The following NOL4L variants were observed in gnomAD, a reference collection of about 807,000 sequenced individuals.
NOL4L encodes the protein nucleolar protein 4-like.
Under a neutral mutation model 64.5 loss-of-function variants are expected in NOL4L, and 7 were observed. That is an observed-to-expected ratio of 0.11 (90% CI 0.06 to 0.20). NOL4L has a LOEUF of 0.20. NOL4L is among the 10% of genes least tolerant of loss of function. The pLI is 1.00. For synonymous variants in NOL4L, 413 were observed against 401.0 expected (o/e 1.03, Z -0.36); for missense variants, 680 against 967.1 (o/e 0.70, Z 3.94).
At chr20:32,495,453 C>T (rs2016649107) in intron 4 of NOL4L, among the ~76,000 whole-genome samples, 1 of 152,182 alleles carries the variant, frequency 6.6e-6, no homozygotes, top group African/African-American at 2.4e-5. Context: ...GGCAGATGGG[C>T]TGCTGGGGAC....
chr20:32,545,564 C>A (rs1213306327), intron 1 of NOL4L, among the ~76,000 whole-genome samples: 1 of 152,160 alleles, frequency 6.6e-6, no homozygotes, highest in African/African-American at 2.4e-5. Context: ...TTCCCCCGAC[C>A]CGCCCACAGC....
intron 1 of NOL4L, among the ~76,000 whole-genome samples, chr20:32,537,524 CCA>C (rs1321917654): frequency 2.0e-5 from 3 of 152,276 alleles, no homozygotes; most frequent in Admixed American, 6.5e-5. Flanking sequence ...AGCGATTTGC[CCA>C]CAGTCACAAG....
chr20:32,484,371 C>A (rs1178492850), intron 4 of NOL4L, among the ~76,000 whole-genome samples: 1 of 151,748 alleles, frequency 6.6e-6, no homozygotes, highest in Admixed American at 6.6e-5. Context: ...TCGAGCTCCT[C>A]GGCGCGCTGC....
chr20:32,455,506 G>A (rs983248614), intron 6 of NOL4L, among the ~76,000 whole-genome samples: 1 of 152,210 alleles, frequency 6.6e-6, no homozygotes, highest in Non-Finnish European at 1.5e-5. Context: ...TCTGGCCCCC[G>A]GGCCCAGGTT....
intron 4 of NOL4L, among the ~76,000 whole-genome samples, chr20:32,475,575 G>A (rs999354248): frequency 2.6e-5 from 4 of 152,260 alleles, no homozygotes; most frequent in African/African-American, 9.6e-5. Context: ...GCCCTCCAGG[G>A]GGAAGGGCCC....
rs543768294 is a variant in NOL4L at position 32,490,144 on chromosome 20, A to AAAC, written c.700-15403_700-15402insGTT. Among the ~76,000 whole-genome samples, 627 of 122,162 alleles carry AAAC rather than the reference A, an allele frequency of 5.1e-3. 52 individuals carry two copies. The highest frequency in any genetic ancestry group is 0.018 in the African/African-American group (578 of 31,464). The allele number at this position is 122,162 out of a possible 152,430, so 80.1% of individuals were successfully genotyped here. On this transcript the variant is annotated intron_variant, in intron 4 of 10. Coordinates refer to ENST00000621426, the MANE Select transcript of NOL4L (RefSeq NM_001256798.2). Reference sequence around the variant, plus strand: ...ACTCCATCTCAAAAAAAAAAAAAAAAATATATATACACATATATATATGTA... The same window carrying AAAC: ...ACTCCATCTCAAAAAAAAAAAAAAAAAACATATATATACACATATATATATGTA...
At chr20:32,480,385 T>C (rs1191914126) in intron 4 of NOL4L, among the ~76,000 whole-genome samples, 1 of 152,212 alleles carries the variant, frequency 6.6e-6, no homozygotes, top group Non-Finnish European at 1.5e-5. Context: ...GGGATGTTTC[T>C]GGGCCAAGCA....
rs568664200 is a variant in NOL4L, at chr20:32,483,366, G to A, written c.700-8624C>T. 74 of 984,960 alleles carry A rather than the reference G, an allele frequency of 7.5e-5. 1 individual carries two copies. The South Asian group carries it at 3.0e-3, about 40-fold the overall frequency. 61.0% of individuals were successfully genotyped at this position (984,960 alleles called of 1,614,324 possible). A position where few individuals can be genotyped will look rare whatever the true frequency, so the allele number is the denominator to read the frequency against. On this transcript the variant is annotated intron_variant, in intron 4 of 10. Transcript: ENST00000621426. ...GATCCGGGCCGGACTCCGTACCTGG[G>A]CTGGAAGCGAGGCGGAGATGGGCGG...
chr20:32,584,503 C>T (rs1600899732), intron 1 of NOL4L, 67 bp downstream of exon 1: 1 of 983,218 alleles, frequency 1.0e-6, no homozygotes, highest in Non-Finnish European at 1.3e-6. Context: ...CACCCCCACC[C>T]CGCCCCCGCC....
chr20:32,456,362 C>T lies in NOL4L; in HGVS notation c.875G>A (p.Gly292Asp). 6.8e-7 allele frequency: 1 copy of T among 1,471,246 alleles called. No individual in the cohort carries two copies. 91.1% of individuals were successfully genotyped at this position (1,471,246 alleles called of 1,614,324 possible). A position where few individuals can be genotyped will look rare whatever the true frequency, so the allele number is the denominator to read the frequency against. ...DSSSESGSGN[G>D]SSTLNPSTSS... ...CGTGGATGGGTTCAGGGTGGAGGAG[C>T]CATTGCCGCTGCCACTCTCAGAGGA... Residue 292 changes from glycine to aspartate, a missense_variant, in exon 6 of 11, where the codon GGC becomes GAC. By Grantham distance (94) the Gly-to-Asp change is moderately conservative. Coordinates refer to ENST00000621426, the MANE Select transcript of NOL4L (RefSeq NM_001256798.2).
At chr20:32,447,938 T>G in intron 10 of NOL4L, 122 bp from the exon 11 acceptor site, 6 of 1,295,104 alleles carry the variant, frequency 4.6e-6, no homozygotes, top group South Asian at 3.6e-5. Flanking sequence ...GGCACTGAAG[T>G]CCGTGGCTCT....
chr20:32,548,480 A>C (rs1600864801), intron 1 of NOL4L: 1 of 154,586 alleles, frequency 6.5e-6, no homozygotes, highest in Non-Finnish European at 1.4e-5. Flanking sequence ...ACAGGATCAG[A>C]AGTCGGATAG....
intron 1 of NOL4L, chr20:32,535,305 ATT>A (rs1368487422): frequency 2.6e-5 from 4 of 151,552 alleles, no homozygotes; most frequent in Non-Finnish European, 5.9e-5. Flanking sequence ...CAAAATAGGA[ATT>A]TACCCCAGAA....
chr20:32,485,871 T>C (rs2016068058), intron 4 of NOL4L: 1 of 420,156 alleles, frequency 2.4e-6, no homozygotes, highest in Non-Finnish European at 5.0e-6. Flanking sequence ...GTGGTGGACA[T>C]CTGAGCTTGA....
At chr20:32,473,365 C>G (rs1477083621) in intron 5 of NOL4L, among the ~76,000 whole-genome samples, 1 of 152,210 alleles carries the variant, frequency 6.6e-6, no homozygotes, top group Non-Finnish European at 1.5e-5. Flanking sequence ...TGGCTGCCCC[C>G]GCCGGTCCCC....
intron 1 of NOL4L, among the ~76,000 whole-genome samples, chr20:32,583,979 C>G (rs1980696428): frequency 6.7e-6 from 1 of 148,372 alleles, no homozygotes; most frequent in African/African-American, 2.5e-5. Flanking sequence ...CGGCTCCGGC[C>G]GCCCCTCCCC....
chr20:32,472,657 A>C (rs1371624977), intron 5 of NOL4L, among the ~76,000 whole-genome samples: 1 of 152,114 alleles, frequency 6.6e-6, no homozygotes, highest in Non-Finnish European at 1.5e-5. Context: ...GACAGACACC[A>C]ACAGGCCCAC....
At chr20:32,467,091 T>C (rs957385006) in intron 5 of NOL4L, among the ~76,000 whole-genome samples, 3 of 152,188 alleles carry the variant, frequency 2.0e-5, no homozygotes, top group African/African-American at 7.2e-5. Flanking sequence ...TCCTTCCCCA[T>C]CAGCCTTATG....
chr20:32,454,415 G>C (rs772243171), intron 6 of NOL4L, among the ~76,000 whole-genome samples: 14 of 151,138 alleles, frequency 9.3e-5, no homozygotes, highest in Non-Finnish European at 1.9e-4. Flanking sequence ...GAAAGGGAGA[G>C]GGAACCGGAT....
Sources: gnomAD v4.1 joint callset for allele counts (sites outside exome capture counted in the v4.1 genomes callset) on GRCh38, gnomAD v4.1.1 for gene constraint, MANE v1.5 for transcripts, NCBI Gene and HGNC (gene_info 2026-07-23, HGNC 2026-07-21) for gene names.